SLC20A2: variants seen among roughly 807,000 people sequenced by gnomAD.
SLC20A2 encodes the protein sodium-dependent phosphate transporter 2.
SLC20A2 carries 30 observed loss-of-function variants against 61.0 expected under a neutral mutation model. The ratio of observed to expected loss-of-function variants is 0.49; its 90% CI spans 0.37 to 0.67. The LOEUF (loss-of-function observed/expected upper bound fraction) is 0.67. Ranked by LOEUF, SLC20A2 falls within the 30% of genes least tolerant of loss-of-function variation. The probability of loss-of-function intolerance (pLI) is 0.00; values close to 1 mark genes in which losing one functional copy is unlikely to be tolerated. For synonymous variants in SLC20A2, 351 were observed against 353.3 expected, an observed-to-expected ratio of 0.99 and a Z score of 0.07; for missense variants, 626 against 866.4, an observed-to-expected ratio of 0.72 and a Z score of 3.48.
chr8:42,518,028 C>T (rs1254343677), intron 1 of SLC20A2, among the ~76,000 whole-genome samples: 1 of 152,224 alleles, frequency 6.6e-6, no homozygotes, highest in Non-Finnish European at 1.5e-5. Flanking sequence ...GCAACCTCCG[C>T]CTCCCAGGTT....
chr8:42,488,780 A>G (rs1443414513), intron 1 of SLC20A2, among the ~76,000 whole-genome samples: 1 of 151,706 alleles, frequency 6.6e-6, no homozygotes, highest in Non-Finnish European at 1.5e-5. Flanking sequence ...TTGTGGTATG[A>G]TTTTTCATTT....
intron 1 of SLC20A2, among the ~76,000 whole-genome samples, chr8:42,487,267 T>C (rs1032039087): frequency 6.7e-5 from 10 of 148,264 alleles, no homozygotes; most frequent in Non-Finnish European, 1.5e-4. Context: ...AAGCTCTGCC[T>C]CCCGGGTTCA....
intron 5 of SLC20A2, among the ~76,000 whole-genome samples, chr8:42,447,273 G>A (rs1008375516): frequency 3.3e-5 from 5 of 151,412 alleles, no homozygotes; most frequent in Non-Finnish European, 5.9e-5. Flanking sequence ...TTGAGCCCAG[G>A]AATTTGAGGC....
rs1420585350 is a variant in SLC20A2 at position 42,437,618 on chromosome 8, T to C, written c.935-41A>G. 37 of 1,481,494 alleles carry C rather than the reference T, an allele frequency of 2.5e-5. No homozygotes were observed. Among genetic ancestry groups the C allele is most frequent in the Non-Finnish European group, 3.1e-5 (34 of 1,107,250 alleles). The allele number at this position is 1,481,494 out of a possible 1,614,324, so 91.8% of individuals were successfully genotyped here. On this transcript the variant is annotated intron_variant, in intron 7 of 10. Coordinates refer to ENST00000520262, the MANE Select transcript of SLC20A2 (RefSeq NM_001257180.2). The surrounding 1 kb of genome is among the most constrained non-coding windows in gnomAD (Gnocchi z 6.4). ...GAAGGTCTCATTTTCCAGTCTTTTT[T>C]TTTTTTTTCTTTTCTTTTTGAGACG...
chr8:42,446,111 T>A (rs921272674), intron 5 of SLC20A2, among the ~76,000 whole-genome samples: 2 of 152,222 alleles, frequency 1.3e-5, no homozygotes, highest in Non-Finnish European at 2.9e-5. Context: ...ATGAGCCACC[T>A]GGCCCAAGGA....
upstream of SLC20A2, among the ~76,000 whole-genome samples, chr8:42,501,834 T>C (rs1213914676): frequency 6.6e-6 from 1 of 152,218 alleles, no homozygotes. Flanking sequence ...ATTTAACTCC[T>C]TGGCTAGAAA....
chr8:42,431,245 C>G (rs1803849811), intron 8 of SLC20A2, among the ~76,000 whole-genome samples: 1 of 152,208 alleles, frequency 6.6e-6, no homozygotes, highest in Non-Finnish European at 1.5e-5. Flanking sequence ...TCAATGAACA[C>G]ATGAATAATA....
chr8:42,436,111 G>A (rs537883500), intron 8 of SLC20A2, among the ~76,000 whole-genome samples: 3 of 150,026 alleles, frequency 2.0e-5, no homozygotes, highest in South Asian at 4.2e-4. Context: ...GCGAGACTCC[G>A]TCTTAAAAAA....
chr8:42,467,909 A>G (rs1807309600), intron 2 of SLC20A2, among the ~76,000 whole-genome samples: 1 of 151,260 alleles, frequency 6.6e-6, no homozygotes, highest in South Asian at 2.1e-4. Context: ...AATACATGAT[A>G]TGGTTTATAT....
intron 4 of SLC20A2, among the ~76,000 whole-genome samples, chr8:42,462,716 T>C (rs1200526929): frequency 6.6e-6 from 1 of 152,174 alleles, no homozygotes; most frequent in African/African-American, 2.4e-5. Context: ...AGGAAATAAT[T>C]ACCTTTCCTT....
intron 1 of SLC20A2, among the ~76,000 whole-genome samples, chr8:42,516,052 G>T (rs1291122311): frequency 1.3e-5 from 2 of 152,188 alleles, no homozygotes; most frequent in African/African-American, 4.8e-5. Flanking sequence ...GCGAGGGCAG[G>T]AAGTGATGAA....
At chr8:42,479,000 C>T (rs1466730648) in intron 1 of SLC20A2, among the ~76,000 whole-genome samples, 3 of 152,122 alleles carry the variant, frequency 2.0e-5, no homozygotes, top group Non-Finnish European at 4.4e-5. Context: ...TGTCACAGCA[C>T]ATTTAAAACA....
At chr8:42,458,372 T>C (rs1806371311) in intron 5 of SLC20A2, among the ~76,000 whole-genome samples, 2 of 152,170 alleles carry the variant, frequency 1.3e-5, no homozygotes, top group Non-Finnish European at 1.5e-5. Context: ...ACACCTGTAA[T>C]CCCAGCACTT....
chr8:42,468,655 T>G lies in SLC20A2; in HGVS notation c.290-2738A>C, dbSNP rs958595967. On this transcript the variant is annotated intron_variant, in intron 2 of 10. Transcript: ENST00000520262. Reference sequence around the variant, plus strand: ...AGTGCAAGCCACGACCTAGGGAAAGTGGGGAGATGGGCATCTCAGAGGCCG... The same window carrying G: ...AGTGCAAGCCACGACCTAGGGAAAGGGGGGAGATGGGCATCTCAGAGGCCG... 1.0e-4 allele frequency among the ~76,000 whole-genome samples: 15 copies of G among 143,708 alleles called. No homozygotes were observed. In the East Asian group the frequency reaches 2.9e-3, roughly 28 times the overall value. 94.3% of individuals were successfully genotyped at this position (143,708 alleles called of 152,430 possible).
At chr8:42,497,027 T>C (rs1341828899) in intron 1 of SLC20A2, among the ~76,000 whole-genome samples, 3 of 152,226 alleles carry the variant, frequency 2.0e-5, no homozygotes, top group African/African-American at 7.2e-5. Flanking sequence ...AACACAATAT[T>C]ATTCTCACAT....
At chr8:42,514,333 G>C (rs1280017837) in intron 1 of SLC20A2, among the ~76,000 whole-genome samples, 1 of 152,178 alleles carries the variant, frequency 6.6e-6, no homozygotes, top group Non-Finnish European at 1.5e-5. Context: ...ACAGTGTGAA[G>C]AGAAGATTAG....
intron 7 of SLC20A2, 131 bp downstream of exon 7, chr8:42,439,319 T>G: frequency 6.1e-6 from 5 of 825,574 alleles, no homozygotes; most frequent in Non-Finnish European, 9.3e-6. Flanking sequence ...CTTCTGGGTT[T>G]TCTCAAATTA....
At chr8:42,531,534 CATAGAAT>C (rs1214732047) in intron 1 of SLC20A2, among the ~76,000 whole-genome samples, 1 of 152,130 alleles carries the variant, frequency 6.6e-6, no homozygotes, top group Non-Finnish European at 1.5e-5. Context: ...GCACCATATT[CATAGAAT>C]ATAGAAGAAT....
upstream of SLC20A2, among the ~76,000 whole-genome samples, chr8:42,504,477 A>C (rs1356658625): frequency 6.6e-6 from 1 of 152,154 alleles, no homozygotes; most frequent in Non-Finnish European, 1.5e-5. Context: ...GACTAAAAGG[A>C]AGATAAATAA....
Sources: allele counts gnomAD v4.1 joint callset (sites outside exome capture counted in the v4.1 genomes callset), GRCh38; gene constraint gnomAD v4.1.1; non-coding constraint Gnocchi (gnomAD v3.1); transcripts MANE v1.5; gene names NCBI Gene and HGNC (gene_info 2026-07-23, HGNC 2026-07-21).